The following SYNE1 variants were observed in gnomAD, a reference collection of about 807,000 sequenced individuals.
SYNE1 encodes nesprin-1.
Under a neutral mutation model 1,111.0 loss-of-function variants are expected in SYNE1, and 616 were observed. The ratio of observed to expected loss-of-function variants is 0.55; its 90% CI spans 0.52 to 0.59. The LOEUF is 0.59. SYNE1 is among the 20% of genes least tolerant of loss of function. The pLI, the probability that SYNE1 is intolerant of heterozygous loss-of-function variation, is 0.00. For synonymous variants in SYNE1, 3,855 were observed against 3,825.8 expected, an observed-to-expected ratio of 1.01 and a Z score of -0.28; for missense variants, 10,006 against 10,417.0, an observed-to-expected ratio of 0.96 and a Z score of 1.72.
At chr6:152,162,234 T>C (rs954171334) in intron 131 of SYNE1, among the ~76,000 whole-genome samples, 2 of 152,336 alleles carry the variant, frequency 1.3e-5, no homozygotes, top group Middle Eastern at 3.4e-3. Context: ...TTCTTCGAAC[T>C]CTGTGGCATG....
intron 3 of SYNE1, among the ~76,000 whole-genome samples, chr6:152,603,701 T>C (rs1471471184): frequency 6.6e-6 from 1 of 151,370 alleles, no homozygotes; most frequent in African/African-American, 2.4e-5. Context: ...TGTTCTAGAA[T>C]ATATAGATAT....
In SYNE1 at chr6:152,372,494, C is replaced by A. The variant is rs755813114; in HGVS notation, c.9507+543G>T. On this transcript the variant is annotated intron_variant, in intron 59 of 145. Coordinates refer to ENST00000367255, the MANE Select transcript of SYNE1 (RefSeq NM_182961.4). ...AGAGTCGATACATAAAATAGATAGT[C>A]TCAGACGGAAAAAAAATAATTATAT... is the stretch of plus-strand genomic sequence containing the variant. Among the ~76,000 whole-genome samples the A allele has an allele frequency of 4.1e-4, 63 of 152,028 alleles. 2 individuals are homozygous for A. The highest frequency in any genetic ancestry group is 1.6e-4 in the Non-Finnish European group (11 of 68,010).
chr6:152,340,080 T>C (rs552156150), intron 74 of SYNE1, among the ~76,000 whole-genome samples: 1 of 152,210 alleles, frequency 6.6e-6, no homozygotes, highest in South Asian at 2.1e-4. Context: ...GTTTTAAATA[T>C]CATGTGGGAA....
intron 21 of SYNE1, among the ~76,000 whole-genome samples, chr6:152,461,063 C>T (rs979627816): frequency 1.3e-5 from 2 of 152,134 alleles, no homozygotes; most frequent in Admixed American, 6.5e-5. Context: ...CTGCTCGCCT[C>T]GGCCTCCCAA....
rs886061196 is a variant in SYNE1, at chr6:152,211,586, C to G, written c.22497G>C (p.Leu7499Phe). ...GACGACTGAACATCTCGGCTTGAAA[C>G]AACTATAATTTAAAAAAAAGAAGAA... ...HLLEQQRAHE[L>F]FQAEMFSRQQ... is the part of the protein sequence containing the mutation. Residue 7499 changes from leucine (L) to phenylalanine (F), a missense_variant and splice_region_variant, in exon 124 of 146, where the codon TTG (leucine) becomes TTC (phenylalanine). This residue lies in a region of SYNE1 where 2,182 missense variants were observed against 2,287.8 expected (regional missense o/e 0.95). Coordinates refer to ENST00000367255, the MANE Select transcript of SYNE1 (RefSeq NM_182961.4). 29 of 1,612,612 alleles carry G rather than the reference C, an allele frequency of 1.8e-5. No homozygotes were observed. The highest frequency in any genetic ancestry group is 2.4e-5 in the Non-Finnish European group (28 of 1,179,214).
At chr6:152,338,443 G>A (rs1031744643) in intron 75 of SYNE1, among the ~76,000 whole-genome samples, 5 of 152,002 alleles carry the variant, frequency 3.3e-5, no homozygotes, top group East Asian at 1.9e-4. Context: ...GAAACACAGC[G>A]AAGCCCTGTC....
chr6:152,466,188 CTCAG>C, intron 16 of SYNE1, 110 bp from the exon 17 acceptor site: 1 of 681,260 alleles, frequency 1.5e-6, no homozygotes, highest in Admixed American at 2.2e-5. Context: ...ATTTGTTAAT[CTCAG>C]TCTTCTTGAA....
Position 152,392,514 on chromosome 6 carries a change from AC to A in SYNE1, c.7713-947del, listed in dbSNP as rs772432804. Among the ~76,000 whole-genome samples the A allele has an allele frequency of 1.4e-4, 21 of 152,286 alleles. 1 individual carries two copies. The highest frequency in any genetic ancestry group is 7.8e-4 in the Admixed American group (12 of 15,300). ...TGTCTTAACATAAACTATTGTGACT[AC>A]TAGAAAAAGAACACAAAGCAAATCT... On this transcript the variant is annotated intron_variant, in intron 51 of 145. Coordinates refer to ENST00000367255, the MANE Select transcript of SYNE1 (RefSeq NM_182961.4).
intron 49 of SYNE1, among the ~76,000 whole-genome samples, chr6:152,398,112 T>C (rs1198571675): frequency 4.6e-5 from 7 of 152,294 alleles, no homozygotes; most frequent in Middle Eastern, 6.8e-3. Context: ...TATTCTTCTG[T>C]AAATCATTTC....
intron 12 of SYNE1, among the ~76,000 whole-genome samples, 177 bp from the exon 13 acceptor site, chr6:152,485,149 A>G (rs549521220): frequency 1.3e-5 from 2 of 152,328 alleles, no homozygotes; most frequent in East Asian, 3.9e-4. Context: ...GCCCTGACAT[A>G]GCTTGACCCT....
At position 152,333,664 on chromosome 6, in the gene SYNE1, G is replaced by A. The variant is rs139429405; in HGVS notation, c.12794+344C>T. The stretch of plus-strand genomic sequence containing the variant: ...TTTTATTTTTTTGAGACAGGGTCTT[G>A]CTCTGTCACCCAGGCTGGAGTACAG... On this transcript the variant is annotated intron_variant, in intron 77 of 145. Transcript: ENST00000367255. 3.0e-3 allele frequency among the ~76,000 whole-genome samples: 455 copies of A among 152,100 alleles called. 2 individuals carry two copies. Among genetic ancestry groups the A allele is most frequent in the African/African-American group, 0.01 (430 of 41,498 alleles).
chr6:152,164,090 C>T (rs1231981902), intron 131 of SYNE1, 73 bp downstream of exon 131: 19 of 1,593,162 alleles, frequency 1.2e-5, no homozygotes, highest in East Asian at 6.7e-5. Flanking sequence ...CCATCTCATG[C>T]CCACCCCATC....
Position 152,367,295 on chromosome 6 carries a change from C to A in SYNE1, c.9895G>T (p.Ala3299Ser). ...CAGTATGAATCCAGCATGTGAATCG[C>A]ATCCGTCATCCAGTCTTGTAATTCT... ...IKELQDWMTD[A>S]IHMLDSYCHP... The change falls in exon 62 of 146, where the codon GCG becomes TCG. Residue 3299 changes from alanine to serine, a missense_variant. This residue lies in a region of SYNE1 where 4,955 missense variants were observed against 5,017.2 expected (regional missense o/e 0.99). Coordinates refer to ENST00000367255, the MANE Select transcript of SYNE1 (RefSeq NM_182961.4). 6.2e-7 allele frequency: 1 copy of A among 1,614,228 alleles called. No homozygotes were observed. Among genetic ancestry groups the A allele is most frequent in the Non-Finnish European group, 8.5e-7 (1 of 1,180,046 alleles).
chr6:152,414,595 G>T (rs1201311631), intron 41 of SYNE1, among the ~76,000 whole-genome samples: 2 of 152,146 alleles, frequency 1.3e-5, no homozygotes, highest in Non-Finnish European at 2.9e-5. Flanking sequence ...TTTTCCCAAG[G>T]TGGCACAGTG....
intron 5 of SYNE1, among the ~76,000 whole-genome samples, chr6:152,521,324 A>G (rs942735033): frequency 2.6e-5 from 4 of 152,114 alleles, no homozygotes; most frequent in African/African-American, 9.7e-5. Flanking sequence ...TTATTCTTGT[A>G]CTTCTCACCT....
intron 131 of SYNE1, among the ~76,000 whole-genome samples, chr6:152,156,824 A>G (rs1480825065): frequency 2.0e-5 from 3 of 152,088 alleles, no homozygotes; most frequent in African/African-American, 7.2e-5. Context: ...TTTAAGATCC[A>G]AAGATTTACT....
At chr6:152,603,647 C>T (rs1333791059) in intron 3 of SYNE1, among the ~76,000 whole-genome samples, 1 of 151,530 alleles carries the variant, frequency 6.6e-6, no homozygotes, top group African/African-American at 2.4e-5. Flanking sequence ...AAAAGTTATG[C>T]AAATTCATCT....
At chr6:152,454,260 AC>A (rs993153736) in intron 24 of SYNE1, among the ~76,000 whole-genome samples, 1 of 152,226 alleles carries the variant, frequency 6.6e-6, no homozygotes, top group African/African-American at 2.4e-5. Flanking sequence ...ACATGCTAGC[AC>A]CAAATTGTGT....
At chr6:152,593,294 C>T (rs1166648650) in intron 3 of SYNE1, among the ~76,000 whole-genome samples, 1 of 152,114 alleles carries the variant, frequency 6.6e-6, no homozygotes, top group Non-Finnish European at 1.5e-5. Flanking sequence ...TATGAAATGA[C>T]ATAGCTTGGG....
Sources: gnomAD v4.1 joint callset for allele counts (sites outside exome capture counted in the v4.1 genomes callset) on GRCh38, gnomAD v4.1.1 for gene constraint, gnomAD v4.1.1 regional missense constraint, MANE v1.5 for transcripts, NCBI Gene and HGNC (gene_info 2026-07-23, HGNC 2026-07-21) for gene names.